Variants in ADGRV1 observed in about 807,000 individuals in gnomAD.
The protein encoded by ADGRV1 is G-protein coupled receptor 98.
In ADGRV1, 359 loss-of-function variants were observed where a neutral mutation model predicts 596.2. The ratio of observed to expected loss-of-function variants is 0.60; its 90% confidence interval spans 0.55 to 0.66. ADGRV1 has a LOEUF of 0.66. Ranked by LOEUF, ADGRV1 falls within the 30% of genes least tolerant of loss-of-function variation. The pLI is 0.00. For synonymous variants in ADGRV1, 2,681 were observed against 2,679.2 expected, an observed-to-expected ratio of 1.00 and a Z score of -0.02; for missense variants, 7,274 against 7,575.6, an observed-to-expected ratio of 0.96 and a Z score of 1.48.
At chr5:90,853,251 C>T (rs1731501144) in intron 79 of ADGRV1, 33 bp from the exon 80 acceptor site, 1 of 1,560,548 alleles carries the variant, frequency 6.4e-7, no homozygotes, top group East Asian at 2.2e-5. Context: ...AAATACATGC[C>T]ATTTTTACAG....
chr5:90,938,965 C>T (rs73771127), intron 83 of ADGRV1, among the ~76,000 whole-genome samples: 3 of 152,238 alleles, frequency 2.0e-5, no homozygotes, highest in African/African-American at 7.2e-5. Context: ...ACTTGTGTTT[C>T]TCTATTTTCG....
At position 91,007,238 on chromosome 5, in the gene ADGRV1, C is replaced by T. The variant is rs185710044; in HGVS notation, c.18152+21716C>T. On this transcript the variant is annotated intron_variant, in intron 85 of 89. Coordinates refer to ENST00000405460, the MANE Select transcript of ADGRV1 (RefSeq NM_032119.4). ...GCCATGCAAGTGAGTGGCCCTGACA[C>T]TTAAACTTCATTAGCTTCATGGTAC... 8.5e-5 allele frequency among the ~76,000 whole-genome samples: 13 copies of T among 152,332 alleles called. No individual in the cohort carries two copies. The East Asian group carries it at 2.5e-3, about 29-fold the overall frequency.
chr5:90,794,094 C>T (rs1300732419), intron 70 of ADGRV1, among the ~76,000 whole-genome samples: 1 of 152,174 alleles, frequency 6.6e-6, no homozygotes, highest in Non-Finnish European at 1.5e-5. Context: ...GAGTTTACAT[C>T]CTGTCCTCCC....
intron 70 of ADGRV1, 67 bp downstream of exon 70, chr5:90,791,413 C>A: frequency 8.6e-7 from 1 of 1,158,646 alleles, no homozygotes; most frequent in Non-Finnish European, 1.2e-6. Flanking sequence ...CCATGCTTAC[C>A]TCATAATCAG....
At chr5:91,106,148 G>A (rs1409929704) in intron 87 of ADGRV1, among the ~76,000 whole-genome samples, 2 of 152,042 alleles carry the variant, frequency 1.3e-5, no homozygotes, top group African/African-American at 4.8e-5. Flanking sequence ...TATAGGGTGA[G>A]AGTTGGGGGT....
intron 1 of ADGRV1, among the ~76,000 whole-genome samples, chr5:90,559,525 A>AT (rs1209068816): frequency 3.9e-5 from 6 of 152,206 alleles, no homozygotes; most frequent in Middle Eastern, 3.4e-3. Context: ...CTCAAAATTG[A>AT]TTTTTTTCTT....
In ADGRV1 at chr5:90,755,025, G is replaced by T; in HGVS notation, c.11420G>T (p.Gly3807Val). The T allele has an allele frequency of 4.3e-6, 7 of 1,613,276 alleles. No individual in the cohort carries two copies. The highest frequency in any genetic ancestry group is 5.1e-6 in the Non-Finnish European group (6 of 1,179,372). The change falls in exon 55 of 90, where the codon GGA becomes GTA. Residue 3807 changes from glycine (G) to valine (V), a missense_variant. Gly to Val is a moderately radical substitution (Grantham distance 109, BLOSUM62 -3). This residue lies in a region of ADGRV1 where 3,643 missense variants were observed against 3,809.2 expected (regional missense o/e 0.96). Transcript: ENST00000405460. ...TLQLQIARDK[G>V]LLGDIAIHLR... ...CAGTTACAAATAGCTCGAGATAAAG[G>T]ACTACTTGGGGATATTGCCATTCAC...
At chr5:90,956,384 A>C (rs1272251407) in intron 83 of ADGRV1, among the ~76,000 whole-genome samples, 2 of 152,146 alleles carry the variant, frequency 1.3e-5, no homozygotes, top group Admixed American at 1.3e-4. Context: ...AATTATCTAA[A>C]ATCTGAATTT....
In ADGRV1 at chr5:90,776,592, T is replaced by G. The variant is rs761705122; in HGVS notation, c.12527+16T>G. 1.2e-5 allele frequency: 20 copies of G among 1,612,866 alleles called. No individual in the cohort carries two copies. Among genetic ancestry groups the G allele is most frequent in the Non-Finnish European group, 1.7e-5 (20 of 1,179,220 alleles). On this transcript the variant is annotated intron_variant, in intron 61 of 89. Transcript: ENST00000405460. ...CTATTATCAGGTAAGGACTTCATGA[T>G]TTTTCTTTGCCTATATGGGGGTTAC...
chr5:90,820,603 C>T (rs1207256757), intron 75 of ADGRV1, among the ~76,000 whole-genome samples: 3 of 151,326 alleles, frequency 2.0e-5, no homozygotes, highest in African/African-American at 4.9e-5. Flanking sequence ...TCTTTTAGGG[C>T]AGGCCTGGTG....
intron 1 of ADGRV1, among the ~76,000 whole-genome samples, chr5:90,559,495 T>G (rs1035318961): frequency 2.0e-5 from 3 of 152,152 alleles, no homozygotes; most frequent in Admixed American, 1.3e-4. Flanking sequence ...AACTTACAAA[T>G]TTTTAATTTT....
At position 91,163,957 on chromosome 5, in the gene ADGRV1, A is replaced by G. The variant is rs1026059389; in HGVS notation, c.*57A>G. The G allele has an allele frequency of 1.2e-6, 1 of 822,520 alleles. No homozygotes were observed. Among genetic ancestry groups the G allele is most frequent in the Non-Finnish European group, 2.1e-6 (1 of 480,756 alleles). The allele number at this position is 822,520 out of a possible 1,614,324, so 51.0% of individuals were successfully genotyped here. ...TCATATTTGTATCAGCTTTTGTGCT[A>G]AAACTCTCTAAGTACATCCACCTGT... On this transcript the variant is annotated 3_prime_UTR_variant, in exon 90 of 90. Transcript: ENST00000405460.
intron 84 of ADGRV1, among the ~76,000 whole-genome samples, chr5:90,968,047 C>G (rs1044671356): frequency 8.5e-5 from 13 of 152,124 alleles, no homozygotes; most frequent in Non-Finnish European, 1.5e-4. Context: ...AAACAACCCC[C>G]TAAGAAACTT....
chr5:90,641,141 C>T (rs931858277), intron 11 of ADGRV1, among the ~76,000 whole-genome samples: 4 of 152,140 alleles, frequency 2.6e-5, no homozygotes, highest in Admixed American at 6.6e-5. Context: ...GACATTTAGA[C>T]GAACTTAAAA....
At position 90,625,194 on chromosome 5, in the gene ADGRV1, C is replaced by T; in HGVS notation, c.623C>T (p.Pro208Leu). 1 of 1,613,604 alleles carries T rather than the reference C, an allele frequency of 6.2e-7. No homozygotes were observed. Among genetic ancestry groups the T allele is most frequent in the Non-Finnish European group, 8.5e-7 (1 of 1,179,698 alleles). ...CCAGTTAAAGGAAATATCACCTTTC[C>T]CCCTGGCAGAGCAACAGTAATTTAT... is the stretch of plus-strand genomic sequence containing the variant. ...LSPVKGNITF[P>L]PGRATVIYNL... Residue 208 changes from proline (P) to leucine (L), a missense_variant, in exon 6 of 90, where the codon CCC becomes CTC. Physicochemically the swap from Pro to Leu is moderately conservative, Grantham distance 98. Transcript: ENST00000405460.
At chr5:91,003,550 G>A (rs1210353372) in intron 85 of ADGRV1, among the ~76,000 whole-genome samples, 1 of 152,158 alleles carries the variant, frequency 6.6e-6, no homozygotes, top group Non-Finnish European at 1.5e-5. Context: ...AAATAGAAAT[G>A]ACGAGATCCC....
Position 91,048,425 on chromosome 5 carries a change from C to A in ADGRV1, c.18153-24022C>A, listed in dbSNP as rs953743040. 3.9e-5 allele frequency among the ~76,000 whole-genome samples: 6 copies of A among 152,296 alleles called. No homozygotes were observed. In the South Asian group the frequency reaches 8.3e-4, roughly 21 times the overall value. ...TTACCCAACCTAACCACCTCTTTTTCTAGCCTGCTGCTAGAGTAGCAAGCC... is the reference window on the plus strand; with the variant it reads ...TTACCCAACCTAACCACCTCTTTTTATAGCCTGCTGCTAGAGTAGCAAGCC... On this transcript the variant is annotated intron_variant, in intron 85 of 89. Transcript: ENST00000405460.
chr5:90,802,302 G>C (rs1469198084), intron 70 of ADGRV1, among the ~76,000 whole-genome samples: 1 of 152,142 alleles, frequency 6.6e-6, no homozygotes, highest in East Asian at 1.9e-4. Context: ...TGCAACCTCT[G>C]CCTCCTGGGT....
chr5:90,822,803 A>C (rs902505548), intron 75 of ADGRV1, among the ~76,000 whole-genome samples: 8 of 152,006 alleles, frequency 5.3e-5, no homozygotes, highest in Non-Finnish European at 1.0e-4. Flanking sequence ...CTTTTATTTC[A>C]TTGAGCAGTG....
Sources: allele counts gnomAD v4.1 joint callset (sites outside exome capture counted in the v4.1 genomes callset), GRCh38; gene constraint gnomAD v4.1.1; regional missense constraint gnomAD v4.1.1; transcripts MANE v1.5; gene names NCBI Gene and HGNC (gene_info 2026-07-23, HGNC 2026-07-21).